PDE4D: variants seen among roughly 807,000 people sequenced by gnomAD.
The protein encoded by PDE4D is 3',5'-cyclic-AMP phosphodiesterase 4D.
In PDE4D, 24 loss-of-function variants were observed where a neutral mutation model predicts 87.4. The observed-to-expected ratio is 0.27, with a 90% CI of 0.20 to 0.39. The LOEUF (loss-of-function observed/expected upper bound fraction) is 0.39. Ranked by LOEUF, PDE4D falls within the 10% of genes least tolerant of loss-of-function variation. PDE4D has a pLI of 1.00. For synonymous variants in PDE4D, 384 were observed against 383.2 expected (o/e 1.00, Z -0.02); for missense variants, 714 against 1,041.0 (o/e 0.69, Z 4.32).
intron 1 of PDE4D, among the ~76,000 whole-genome samples, chr5:59,820,043 C>T (rs982670067): frequency 2.6e-5 from 4 of 152,152 alleles, no homozygotes; most frequent in African/African-American, 7.2e-5. Flanking sequence ...ACACAATGTC[C>T]GTGTGTGTAA....
rs574679258 is a variant in PDE4D, at chr5:59,862,268, G to A, written c.455+30900C>T. ...CACATTTTAAGTTATCAACCTGTTT[G>A]CTTTTTAAAAATAATATTTATAATT... On this transcript the variant is annotated intron_variant, in intron 1 of 14. Transcript: ENST00000340635. 3.9e-4 allele frequency among the ~76,000 whole-genome samples: 59 copies of A among 152,260 alleles called. 2 individuals carry two copies. Among genetic ancestry groups the A allele is most frequent in the Admixed American group, 3.7e-3 (56 of 15,292 alleles).
At chr5:59,787,390 T>G (rs181919376) in intron 1 of PDE4D, among the ~76,000 whole-genome samples, 9 of 152,318 alleles carry the variant, frequency 5.9e-5, no homozygotes, top group African/African-American at 2.2e-4. Context: ...TATCTTAAGG[T>G]GCTGATTCAA....
At chr5:59,088,296 G>A (rs1768074777) in intron 5 of PDE4D, among the ~76,000 whole-genome samples, 1 of 151,766 alleles carries the variant, frequency 6.6e-6, no homozygotes. Context: ...AGTTGTGTAG[G>A]TATTTTCTTC....
At chr5:60,106,766 C>A (rs917483840) in intron 2 of PDE4D, among the ~76,000 whole-genome samples, 8 of 151,974 alleles carry the variant, frequency 5.3e-5, no homozygotes, top group African/African-American at 1.9e-4. Flanking sequence ...CTACTGGGTA[C>A]ATAACGAAAT....
intron 3 of PDE4D, among the ~76,000 whole-genome samples, chr5:59,961,349 T>G (rs1272578820): frequency 1.4e-5 from 2 of 147,160 alleles, no homozygotes; most frequent in Non-Finnish European, 3.0e-5. Context: ...AGATTGAACC[T>G]CATGAAGCCC....
intron 1 of PDE4D, among the ~76,000 whole-genome samples, chr5:59,477,241 T>C (rs1327450581): frequency 1.3e-5 from 2 of 151,620 alleles, no homozygotes; most frequent in African/African-American, 2.4e-5. Context: ...GATTTTACTC[T>C]TATAAAACAA....
At chr5:60,420,469 A>T (rs1367644840) in intron 1 of PDE4D, among the ~76,000 whole-genome samples, 1 of 152,212 alleles carries the variant, frequency 6.6e-6, no homozygotes, top group Non-Finnish European at 1.5e-5. Context: ...TGCTAAGATA[A>T]CAAGCAAAAT....
chr5:60,169,012 A>G (rs1783174804), intron 2 of PDE4D, among the ~76,000 whole-genome samples: 1 of 152,092 alleles, frequency 6.6e-6, no homozygotes, highest in African/African-American at 2.4e-5. Flanking sequence ...TACTTTTTTC[A>G]TTTTGTTTAT....
At chr5:59,028,119 T>A (rs974738060) in intron 6 of PDE4D, among the ~76,000 whole-genome samples, 5 of 152,176 alleles carry the variant, frequency 3.3e-5, no homozygotes, top group African/African-American at 7.2e-5. Flanking sequence ...ATTATGCATT[T>A]CTGCTAGAAA....
chr5:59,818,752 C>T (rs1769280175), intron 1 of PDE4D, among the ~76,000 whole-genome samples: 1 of 152,040 alleles, frequency 6.6e-6, no homozygotes, highest in African/African-American at 2.4e-5. Context: ...TGTTCAGGCT[C>T]CCTCACTCCA....
chr5:60,175,740 G>A (rs1172411174), intron 2 of PDE4D, among the ~76,000 whole-genome samples: 3 of 152,108 alleles, frequency 2.0e-5, no homozygotes, highest in Non-Finnish European at 2.9e-5. Flanking sequence ...CAGGGAGGAA[G>A]GGCATTCCTT....
intron 1 of PDE4D, chr5:60,460,669 G>A (rs547048227): frequency 5.9e-5 from 63 of 1,076,776 alleles, no homozygotes; most frequent in Non-Finnish European, 7.6e-5. Context: ...TGTCTCCTCC[G>A]GTCCCAGAGC....
At chr5:59,778,089 G>C (rs1274866084) in intron 1 of PDE4D, among the ~76,000 whole-genome samples, 1 of 152,146 alleles carries the variant, frequency 6.6e-6, no homozygotes, top group Non-Finnish European at 1.5e-5. Flanking sequence ...CACACCATGT[G>C]CTAGGTTCTG....
chr5:59,407,329 T>C (rs894199064), intron 1 of PDE4D, among the ~76,000 whole-genome samples: 2 of 152,196 alleles, frequency 1.3e-5, no homozygotes, highest in African/African-American at 2.4e-5. Flanking sequence ...TCCAGAAGCT[T>C]AGCAAATGCT....
chr5:60,044,986 G>C (rs1289823169), intron 2 of PDE4D, among the ~76,000 whole-genome samples: 3 of 152,184 alleles, frequency 2.0e-5, no homozygotes, highest in African/African-American at 7.2e-5. Flanking sequence ...CACCAACAGT[G>C]TGAAAGTGTT....
intron 1 of PDE4D, among the ~76,000 whole-genome samples, chr5:59,634,001 G>A (rs942012475): frequency 1.3e-5 from 2 of 151,910 alleles, no homozygotes; most frequent in African/African-American, 4.8e-5. Context: ...CATCTCATGT[G>A]CAAACACACA....
At chr5:59,146,240 T>C (rs1022891007) in intron 5 of PDE4D, among the ~76,000 whole-genome samples, 2 of 152,218 alleles carry the variant, frequency 1.3e-5, no homozygotes, top group Non-Finnish European at 2.9e-5. Context: ...TCCTTTCTGA[T>C]AGACACCTTT....
At chr5:59,801,434 G>A (rs1307668775) in intron 1 of PDE4D, among the ~76,000 whole-genome samples, 1 of 152,118 alleles carries the variant, frequency 6.6e-6, no homozygotes, top group Non-Finnish European at 1.5e-5. Context: ...GTATATTTTA[G>A]GAACTTATCT....
At chr5:59,995,012 A>C in intron 2 of PDE4D, among the ~76,000 whole-genome samples, 1 of 152,142 alleles carries the variant, frequency 6.6e-6, no homozygotes, top group East Asian at 1.9e-4. Context: ...ACAGATAATC[A>C]CCAGTATATG....
Sources: allele counts gnomAD v4.1 joint callset (sites outside exome capture counted in the v4.1 genomes callset), GRCh38; gene constraint gnomAD v4.1.1; transcripts MANE v1.5; gene names NCBI Gene and HGNC (gene_info 2026-07-23, HGNC 2026-07-21).